Variants in SMG5 observed in about 807,000 individuals in gnomAD.
SMG5 encodes the protein nonsense-mediated mRNA decay factor SMG5.
In SMG5, 53 loss-of-function variants were observed where a neutral mutation model predicts 122.9. That is an observed-to-expected ratio of 0.43 (90% CI 0.35 to 0.54). The LOEUF (loss-of-function observed/expected upper bound fraction) is 0.54, where lower values mean the gene tolerates loss of function less well. Among genes scored for constraint, SMG5 ranks in the 20% least tolerant of loss-of-function variants. The pLI is 0.01. For synonymous variants in SMG5, 477 were observed against 490.2 expected (o/e 0.97, Z 0.35); for missense variants, 1,153 against 1,285.6 (o/e 0.90, Z 1.58).
chr1:156,249,808 G>A lies in SMG5; in HGVS notation c.*779C>T. On this transcript the variant is annotated 3_prime_UTR_variant, in exon 22 of 22. Transcript: ENST00000361813. ...CCAGCACAGCAGCCAAGAGCACAAA[G>A]CACAGCACCTGTGGGGCTGGTGGGC... 2.1e-6 allele frequency: 1 copy of A among 471,144 alleles called. No individual in the cohort carries two copies. Among genetic ancestry groups the A allele is most frequent in the Non-Finnish European group, 4.4e-6 (1 of 227,090 alleles). 29.2% of individuals were successfully genotyped at this position (471,144 alleles called of 1,614,324 possible).
chr1:156,259,375 G>T (rs941970022), intron 15 of SMG5, among the ~76,000 whole-genome samples: 1 of 152,146 alleles, frequency 6.6e-6, no homozygotes, highest in African/African-American at 2.4e-5. Context: ...AGTAGGTACA[G>T]CAAGAAAACT....
chr1:156,272,539 C>A (rs1662483363), intron 6 of SMG5, 141 bp from the exon 7 acceptor site: 1 of 655,034 alleles, frequency 1.5e-6, no homozygotes, highest in Non-Finnish European at 2.7e-6. Context: ...AGGTGATTAG[C>A]AGCTTAATCT....
chr1:156,259,229 G>C lies in SMG5; in HGVS notation c.2284-66C>G. ...CCTCTAGACCCACCCTGCCCTCCAG[G>C]ACCCTCCACTCCCACCCTCCCACCT... On this transcript the variant is annotated intron_variant, in intron 15 of 21. Coordinates refer to ENST00000361813, the MANE Select transcript of SMG5 (RefSeq NM_015327.3). The C allele has an allele frequency of 2.1e-6, 3 of 1,448,544 alleles. No individual in the cohort carries two copies. The South Asian group carries it at 4.3e-5, about 21-fold the overall frequency. The allele number at this position is 1,448,544 out of a possible 1,614,324, so 89.7% of individuals were successfully genotyped here.
chr1:156,260,520 G>A lies in SMG5; in HGVS notation c.2214C>T (p.Pro738=). 1.3e-6 allele frequency: 2 copies of A among 1,586,914 alleles called. No individual in the cohort carries two copies. The highest frequency in any genetic ancestry group is 1.7e-4 in the Middle Eastern group (1 of 5,974). Residue 738 remains proline (P), a synonymous_variant, in exon 15 of 22, where the codon CCC becomes CCT. Coordinates refer to ENST00000361813, the MANE Select transcript of SMG5 (RefSeq NM_015327.3). ...LPEDMALRNL[P]PLRAAHRRFN... ...AGCGTCTGTGGGCAGCTCGGAGCGG[G>A]GGCAGGTTACGAAGAGCCATGTCCT...
intron 1 of SMG5, 95 bp from the exon 2 acceptor site, chr1:156,279,129 T>A: frequency 9.5e-7 from 1 of 1,056,848 alleles, no homozygotes; most frequent in Non-Finnish European, 1.5e-6. Flanking sequence ...GCTACAGAAT[T>A]AGCGGTGAGG....
chr1:156,252,889 T>G, intron 18 of SMG5, 30 bp downstream of exon 18: 1 of 1,522,624 alleles, frequency 6.6e-7, no homozygotes, highest in Non-Finnish European at 8.8e-7. Flanking sequence ...TTAGTCATAC[T>G]CTGTCTCCTT....
At position 156,253,517 on chromosome 1, in the gene SMG5, GA is replaced by G; in HGVS notation, c.2443-10del. The G allele has an allele frequency of 6.2e-7, 1 of 1,613,934 alleles. No homozygotes were observed. Among genetic ancestry groups the G allele is most frequent in the Non-Finnish European group, 8.5e-7 (1 of 1,179,884 alleles). Reference sequence around the variant, plus strand: ...CGAGCTTCCTCCTGTGCCTATGAGGGAAAAAATGAGCTGTAAGGAGTTGGGG... The same window carrying G: ...CGAGCTTCCTCCTGTGCCTATGAGGGAAAAATGAGCTGTAAGGAGTTGGGG... On this transcript the variant is annotated splice_polypyrimidine_tract_variant and intron_variant, in intron 16 of 21. Coordinates refer to ENST00000361813, the MANE Select transcript of SMG5 (RefSeq NM_015327.3).
chr1:156,280,028 C>A (rs999541226), intron 1 of SMG5, among the ~76,000 whole-genome samples: 4 of 152,138 alleles, frequency 2.6e-5, no homozygotes, highest in Admixed American at 1.3e-4. Flanking sequence ...CATAAAGCAC[C>A]CATAACAGTG....
chr1:156,270,939 G>A (rs955493552), intron 7 of SMG5, among the ~76,000 whole-genome samples: 2 of 151,840 alleles, frequency 1.3e-5, no homozygotes, highest in Admixed American at 6.6e-5. Flanking sequence ...CCCGGGAGGC[G>A]GAGGTTGCAG....
intron 16 of SMG5, among the ~76,000 whole-genome samples, chr1:156,257,994 A>C (rs905002767): frequency 5.9e-5 from 9 of 152,250 alleles, no homozygotes; most frequent in African/African-American, 2.2e-4. Context: ...ATTGTTGCCC[A>C]CAAGAGAAAG....
At position 156,253,445 on chromosome 1, in the gene SMG5, C is replaced by T; in HGVS notation, c.2502+4G>A. 6.2e-7 allele frequency: 1 copy of T among 1,614,046 alleles called. No individual in the cohort carries two copies. Among genetic ancestry groups the T allele is most frequent in the South Asian group, 1.1e-5 (1 of 91,074 alleles). On this transcript the variant is annotated splice_donor_region_variant and intron_variant, in intron 17 of 21. Transcript: ENST00000361813. Reference sequence around the variant, plus strand: ...GAAGAAGCACTTGGGTCCTGATTTCCTACCTGAAGTCGTAGCTGAGCCATG... The same window carrying T: ...GAAGAAGCACTTGGGTCCTGATTTCTTACCTGAAGTCGTAGCTGAGCCATG...
chr1:156,284,800 A>T (rs1405412784), upstream of SMG5, among the ~76,000 whole-genome samples: 3 of 152,158 alleles, frequency 2.0e-5, no homozygotes, highest in Non-Finnish European at 2.9e-5. Flanking sequence ...CTCAGTGGGA[A>T]AGAAACTTGG....
At chr1:156,259,766 G>A (rs1320666897) in intron 15 of SMG5, among the ~76,000 whole-genome samples, 1 of 152,174 alleles carries the variant, frequency 6.6e-6, no homozygotes, top group East Asian at 1.9e-4. Flanking sequence ...CTGAGCTCAA[G>A]CGATCCACCT....
At chr1:156,286,282 C>A (rs763537677), upstream of SMG5, 2 of 1,614,206 alleles carry the variant, frequency 1.2e-6, no homozygotes, top group South Asian at 2.2e-5. Flanking sequence ...ACGGGCTGAG[C>A]CTGTTATGCT....
chr1:156,278,854 C>A lies in SMG5; in HGVS notation c.173+82G>T, dbSNP rs376266645. 1.8e-3 allele frequency: 2,019 copies of A among 1,143,284 alleles called. 23 individuals carry two copies. Among genetic ancestry groups the A allele is most frequent in the South Asian group, 0.015 (1,208 of 79,550 alleles). The allele number at this position is 1,143,284 out of a possible 1,614,324, so 70.8% of individuals were successfully genotyped here. A position where few individuals can be genotyped will look rare whatever the true frequency, so the allele number is the denominator to read the frequency against. On this transcript the variant is annotated intron_variant, in intron 2 of 21. Coordinates refer to ENST00000361813, the MANE Select transcript of SMG5 (RefSeq NM_015327.3). ...TGAGGTCAGGAGGTAAAACAGAGTGCGTGTTTATATATCTGAGAAGGTTTC... is the reference window on the plus strand; with the variant it reads ...TGAGGTCAGGAGGTAAAACAGAGTGAGTGTTTATATATCTGAGAAGGTTTC...
chr1:156,259,496 A>C (rs1483622562), intron 15 of SMG5, among the ~76,000 whole-genome samples: 1 of 152,150 alleles, frequency 6.6e-6, no homozygotes, highest in Non-Finnish European at 1.5e-5. Flanking sequence ...AATGCTTCTC[A>C]TATGCTCTAG....
chr1:156,285,444 C>T (rs1416900942), upstream of SMG5: 3 of 1,613,526 alleles, frequency 1.9e-6, no homozygotes, highest in Admixed American at 3.3e-5. Flanking sequence ...GTAAGTGAGG[C>T]TGCCACCTTG....
rs768436550 is a variant in SMG5, at chr1:156,260,487, A to G, written c.2247T>C (p.Phe749=). ...PLRAAHRRFN[F]DTDRPLLSTL... ...TGCTGAGCAGGGGCCGATCCGTGTCAAAGTTAAAGCGTCTGTGGGCAGCTC... is the reference window on the plus strand; with the variant it reads ...TGCTGAGCAGGGGCCGATCCGTGTCGAAGTTAAAGCGTCTGTGGGCAGCTC... The change falls in exon 15 of 22, where the codon TTT becomes TTC. Residue 749 remains phenylalanine, a synonymous_variant. Coordinates refer to ENST00000361813, the MANE Select transcript of SMG5 (RefSeq NM_015327.3). 6.3e-7 allele frequency: 1 copy of G among 1,593,626 alleles called. No homozygotes were observed. Among genetic ancestry groups the G allele is most frequent in the African/African-American group, 1.4e-5 (1 of 73,140 alleles).
rs1032427242 is a variant in SMG5 at position 156,249,628 on chromosome 1, G to C, written c.*959C>G. The C allele has an allele frequency of 2.4e-5, 10 of 410,360 alleles. No homozygotes were observed. The highest frequency in any genetic ancestry group is 2.1e-4 in the African/African-American group (10 of 48,312). The allele number at this position is 410,360 out of a possible 1,614,324, so 25.4% of individuals were successfully genotyped here. ...CAGTCCTGCGGAAGGCAAAAGGAGGGACGGGGGCCTCTGACTGAGCAGCTT... is the reference window on the plus strand; with the variant it reads ...CAGTCCTGCGGAAGGCAAAAGGAGGCACGGGGGCCTCTGACTGAGCAGCTT... On this transcript the variant is annotated 3_prime_UTR_variant, in exon 22 of 22. Transcript: ENST00000361813.
Sources: gnomAD v4.1 joint callset for allele counts (sites outside exome capture counted in the v4.1 genomes callset) on GRCh38, gnomAD v4.1.1 for gene constraint, MANE v1.5 for transcripts, NCBI Gene and HGNC (gene_info 2026-07-23, HGNC 2026-07-21) for gene names.